The following NALCN variants were observed in gnomAD, a reference collection of about 807,000 sequenced individuals.
NALCN encodes the protein sodium leak channel NALCN.
A neutral mutation model predicts 225.3 loss-of-function variants in NALCN; 111 were observed. The observed-to-expected ratio is 0.49, with a 90% CI of 0.42 to 0.58. NALCN has a LOEUF of 0.58. NALCN is among the 20% of genes least tolerant of loss of function. The pLI is 0.00. For synonymous variants in NALCN, 764 were observed against 769.0 expected, an observed-to-expected ratio of 0.99 and a Z score of 0.11; for missense variants, 1,378 against 2,202.4, an observed-to-expected ratio of 0.63 and a Z score of 7.49.
chr13:101,139,866 C>G (rs946775945), intron 17 of NALCN, among the ~76,000 whole-genome samples: 38 of 152,098 alleles, frequency 2.5e-4, no homozygotes, highest in African/African-American at 8.5e-4. Flanking sequence ...ATGCTGTCTC[C>G]GCAATTTGTG....
intron 15 of NALCN, among the ~76,000 whole-genome samples, chr13:101,160,694 T>C (rs601605): frequency 0.18 from 27,020 of 152,100 alleles, 3,321 homozygotes; most frequent in African/African-American, 0.34. Flanking sequence ...GTTTCTTCCT[T>C]ATAAATTGCC....
intron 13 of NALCN, among the ~76,000 whole-genome samples, chr13:101,224,317 C>T (rs1218409771): frequency 6.6e-6 from 1 of 152,160 alleles, no homozygotes; most frequent in African/African-American, 2.4e-5. Flanking sequence ...TACAAAGCTC[C>T]CATTATACAT....
chr13:101,069,994 T>C (rs1443111567), intron 37 of NALCN, among the ~76,000 whole-genome samples: 4 of 151,444 alleles, frequency 2.6e-5, no homozygotes, highest in Middle Eastern at 3.4e-3. Context: ...CCATAATGGC[T>C]GGAATCAACT....
rs548490478 is a variant in NALCN at position 101,164,007 on chromosome 13, CTG to C, written c.1839+12291_1839+12292del. On this transcript the variant is annotated intron_variant, in intron 15 of 43. Transcript: ENST00000251127. ...ATCACACAGTGCTCTCTCTGTGTGT[CTG>C]TGTCTGTGTCTCTTCTCTTTTTATG... is the stretch of plus-strand genomic sequence containing the variant. 3.9e-5 allele frequency among the ~76,000 whole-genome samples: 6 copies of C among 152,216 alleles called. No homozygotes were observed. The East Asian group carries it at 1.2e-3, about 29-fold the overall frequency.
intron 37 of NALCN, among the ~76,000 whole-genome samples, chr13:101,073,195 C>G (rs1468948177): frequency 6.6e-6 from 1 of 152,084 alleles, no homozygotes; most frequent in Admixed American, 6.6e-5. Context: ...GAGGTAAGCT[C>G]CTTGAGTGTG....
At chr13:101,362,691 G>T (rs73566983) in intron 6 of NALCN, among the ~76,000 whole-genome samples, 1 of 151,928 alleles carries the variant, frequency 6.6e-6, no homozygotes, top group African/African-American at 2.4e-5. Context: ...AGATCAGGAC[G>T]CCCATTTTCA....
At chr13:101,125,534 T>G (rs2036189826) in intron 17 of NALCN, among the ~76,000 whole-genome samples, 1 of 152,066 alleles carries the variant, frequency 6.6e-6, no homozygotes. Context: ...TTAGGGTAAA[T>G]AGAATTTGGA....
intron 16 of NALCN, among the ~76,000 whole-genome samples, chr13:101,144,548 A>G (rs536204133): frequency 6.6e-6 from 1 of 152,364 alleles, no homozygotes; most frequent in South Asian, 2.1e-4. Flanking sequence ...CTGCAGTTAT[A>G]AAGTGACTCT....
At chr13:101,138,046 C>A (rs2036889024) in intron 17 of NALCN, among the ~76,000 whole-genome samples, 2 of 152,304 alleles carry the variant, frequency 1.3e-5, no homozygotes, top group South Asian at 4.1e-4. Context: ...CCCCCTCTGC[C>A]TGGGGTGCTT....
chr13:101,310,203 T>C (rs562617907), intron 7 of NALCN, among the ~76,000 whole-genome samples: 2 of 152,298 alleles, frequency 1.3e-5, no homozygotes, highest in South Asian at 4.1e-4. Context: ...ATCAGTTTTG[T>C]CTCGCCTCTA....
intron 15 of NALCN, among the ~76,000 whole-genome samples, chr13:101,169,757 G>A (rs1249880195): frequency 2.0e-5 from 3 of 152,176 alleles, no homozygotes; most frequent in Admixed American, 2.0e-4. Flanking sequence ...GTGGACTTGG[G>A]TGAGAAATTC....
chr13:101,229,022 C>G (rs2041250007), intron 13 of NALCN, among the ~76,000 whole-genome samples: 1 of 152,096 alleles, frequency 6.6e-6, no homozygotes, highest in Non-Finnish European at 1.5e-5. Flanking sequence ...ACTAACATAA[C>G]AATATATAAA....
intron 17 of NALCN, among the ~76,000 whole-genome samples, chr13:101,132,356 A>C (rs1029224037): frequency 6.6e-6 from 1 of 152,074 alleles, no homozygotes; most frequent in Admixed American, 6.6e-5. Context: ...TGGTCAAATA[A>C]TATCTTTTCT....
intron 22 of NALCN, among the ~76,000 whole-genome samples, chr13:101,106,738 G>A (rs1441882400): frequency 2.0e-5 from 3 of 152,148 alleles, no homozygotes; most frequent in Non-Finnish European, 4.4e-5. Flanking sequence ...TGTAAGATGT[G>A]CCTTTTGCCT....
At chr13:101,408,319 G>A (rs561724919) in intron 1 of NALCN, among the ~76,000 whole-genome samples, 2 of 152,132 alleles carry the variant, frequency 1.3e-5, no homozygotes, top group South Asian at 4.2e-4. Context: ...CCTCTCCTCC[G>A]CGTATCCTTA....
At chr13:101,185,605 C>T (rs111719966) in intron 14 of NALCN, among the ~76,000 whole-genome samples, 29 of 152,250 alleles carry the variant, frequency 1.9e-4, no homozygotes, top group African/African-American at 4.1e-4. Flanking sequence ...ACATACCTGG[C>T]GGAAGAGAGA....
At chr13:101,072,713 A>C (rs1450820617) in intron 37 of NALCN, among the ~76,000 whole-genome samples, 2 of 152,172 alleles carry the variant, frequency 1.3e-5, no homozygotes, top group Admixed American at 6.5e-5. Context: ...TCTTCTTCCT[A>C]CTGACAGTTG....
At position 101,104,466 on chromosome 13, in the gene NALCN, A is replaced by T; in HGVS notation, c.2758-40T>A. 6.2e-7 allele frequency: 1 copy of T among 1,612,688 alleles called. No individual in the cohort carries two copies. The highest frequency in any genetic ancestry group is 8.5e-7 in the Non-Finnish European group (1 of 1,178,916). Reference sequence around the variant, plus strand: ...AGGCAGTTTGGTTACAATGAACGGAAAAACAGCAGGTCAGTATTTTACCTC... The same window carrying T: ...AGGCAGTTTGGTTACAATGAACGGATAAACAGCAGGTCAGTATTTTACCTC... On this transcript the variant is annotated intron_variant, in intron 24 of 43. Transcript: ENST00000251127. The surrounding 1 kb of genome is among the most constrained non-coding windows in gnomAD (Gnocchi z 4.2).
rs71642581 is a variant in NALCN at position 101,236,950 on chromosome 13, TATAAAATAAA to T, written c.1434+795_1434+804del. Among the ~76,000 whole-genome samples the T allele has an allele frequency of 1.6e-4, 23 of 148,208 alleles. 1 individual carries two copies. Among genetic ancestry groups the T allele is most frequent in the Admixed American group, 1.1e-3 (16 of 14,856 alleles). ...TAAAATAAAATAAAAAATAAAATAA[TATAAAATAAA>T]ATAAAATAAAATAAAAAATAAATGA... On this transcript the variant is annotated intron_variant, in intron 12 of 43. Transcript: ENST00000251127.
Sources: gnomAD v4.1 joint callset for allele counts (sites outside exome capture counted in the v4.1 genomes callset) on GRCh38, gnomAD v4.1.1 for gene constraint, Gnocchi (gnomAD v3.1) non-coding constraint, MANE v1.5 for transcripts, NCBI Gene and HGNC (gene_info 2026-07-23, HGNC 2026-07-21) for gene names.